The following PRIM1 variants were observed in gnomAD, a reference collection of about 807,000 sequenced individuals.
PRIM1 encodes the protein DNA primase subunit 1.
Under a neutral mutation model 60.2 loss-of-function variants are expected in PRIM1, and 38 were observed. That is an observed-to-expected ratio of 0.63 (90% CI 0.49 to 0.83). The LOEUF is 0.83. Ranked by LOEUF, PRIM1 falls within the 40% of genes least tolerant of loss-of-function variation. PRIM1 has a pLI of 0.00. For synonymous variants in PRIM1, 158 were observed against 160.2 expected (o/e 0.99, Z 0.10); for missense variants, 388 against 506.2 (o/e 0.77, Z 2.24).
chr12:56,743,533 A>G (rs1953886633), intron 6 of PRIM1: 1 of 156,324 alleles, frequency 6.4e-6, no homozygotes, highest in Admixed American at 6.5e-5. Flanking sequence ...TCACTTAATC[A>G]TTGATACAAC....
At position 56,741,755 on chromosome 12, in the gene PRIM1, G is replaced by A; in HGVS notation, c.831C>T (p.Ser277=). The A allele has an allele frequency of 6.2e-7, 1 of 1,613,616 alleles. No individual in the cohort carries two copies. The highest frequency in any genetic ancestry group is 8.5e-7 in the Non-Finnish European group (1 of 1,179,614). ...QRWEHLKKVA[S]RYQNNIKNDK... ...TTTCAGTGGCATATACCTGATATCT[G>A]CTGGCTACTTTCTTCAAGTGCTCCC... Residue 277 remains serine (S), a synonymous_variant, in exon 8 of 13, where the codon AGC becomes AGT. Coordinates refer to ENST00000338193, the MANE Select transcript of PRIM1 (RefSeq NM_000946.3).
In PRIM1 at chr12:56,744,240, C is replaced by T; in HGVS notation, c.580-117G>A. 4 of 716,332 alleles carry T rather than the reference C, an allele frequency of 5.6e-6. No homozygotes were observed. The South Asian group carries it at 7.7e-5, about 14-fold the overall frequency. 44.4% of individuals were successfully genotyped at this position (716,332 alleles called of 1,614,324 possible). ...ATATAAGATGGTGGGCACGGTGGCT[C>T]ACACCTGTAATCCCAGCATTTTGGG... On this transcript the variant is annotated intron_variant, in intron 5 of 12. Transcript: ENST00000338193.
rs181150503 is a variant in PRIM1, at chr12:56,736,400, A to C, written c.1144+2034T>G. Among the ~76,000 whole-genome samples the C allele has an allele frequency of 3.3e-5, 5 of 151,820 alleles. No individual in the cohort carries two copies. In the East Asian group the frequency reaches 9.7e-4, roughly 29 times the overall value. On this transcript the variant is annotated intron_variant, in intron 11 of 12. Coordinates refer to ENST00000338193, the MANE Select transcript of PRIM1 (RefSeq NM_000946.3). The stretch of plus-strand genomic sequence containing the variant: ...ACCCAATGGGAAAATATGATTGAGA[A>C]TAAGAAAGGAGTTTCACATAAAATT...
chr12:56,731,785 A>C, intron 12 of PRIM1, 51 bp from the exon 13 acceptor site: 1 of 1,392,072 alleles, frequency 7.2e-7, no homozygotes, highest in Non-Finnish European at 9.8e-7. Flanking sequence ...AACAAAACAA[A>C]GCCCATTTAC....
chr12:56,739,683 T>G (rs1283141923), intron 9 of PRIM1, among the ~76,000 whole-genome samples: 2 of 152,148 alleles, frequency 1.3e-5, no homozygotes, highest in Non-Finnish European at 2.9e-5. Flanking sequence ...ATTATAGACG[T>G]GAGCTACTGC....
In PRIM1 at chr12:56,741,787, G is replaced by T; in HGVS notation, c.799C>A (p.Gln267Lys). 6.2e-7 allele frequency: 1 copy of T among 1,613,998 alleles called. No individual in the cohort carries two copies. The highest frequency in any genetic ancestry group is 1.1e-5 in the South Asian group (1 of 91,088). Reference protein sequence around the residue: ...QSFQKSHNSLQRWEHLKKVAS... With the variant: ...QSFQKSHNSLKRWEHLKKVAS... Reference sequence around the variant, plus strand: ...ACTTTCTTCAAGTGCTCCCAACGCTGAAGTGAATTGTGAGACTTTTGGAAG... The same window carrying T: ...ACTTTCTTCAAGTGCTCCCAACGCTTAAGTGAATTGTGAGACTTTTGGAAG... Residue 267 changes from glutamine (Q) to lysine (K), a missense_variant, in exon 8 of 13, where the codon CAG (glutamine) becomes AAG (lysine). By Grantham distance (53) the Gln-to-Lys change is moderately conservative. Transcript: ENST00000338193.
Position 56,738,476 on chromosome 12 carries a change from CT to C in PRIM1, c.1101del (p.Glu368ArgfsTer21). 1 of 1,587,880 alleles carries C rather than the reference CT, an allele frequency of 6.3e-7. No homozygotes were observed. Among genetic ancestry groups the C allele is most frequent in the South Asian group, 1.1e-5 (1 of 87,552 alleles). Reference sequence around the variant, plus strand: ...ACATCAGATTCAGCTTCATTCTCCTCTTTTTCCTCTTCATTAGTGGAAATGG... The same window carrying C: ...ACATCAGATTCAGCTTCATTCTCCTCTTTTCCTCTTCATTAGTGGAAATGG... ...LDAISTNEEEKEENEAESDVK... is the reference protein window; with the variant it reads ...LDAISTNEEEXEENEAESDVK... On this transcript the variant is annotated frameshift_variant, in exon 11 of 13. Transcript: ENST00000338193. LOFTEE classifies it high-confidence loss of function.
At chr12:56,734,543 G>T (rs1953809242) in intron 11 of PRIM1, among the ~76,000 whole-genome samples, 1 of 151,172 alleles carries the variant, frequency 6.6e-6, no homozygotes, top group South Asian at 2.1e-4. Context: ...ATAACTACAG[G>T]CATGTACCAC....
At chr12:56,751,381 G>T (rs999452143) in intron 1 of PRIM1, 186 bp from the exon 2 acceptor site, 5 of 413,804 alleles carry the variant, frequency 1.2e-5, no homozygotes, top group Non-Finnish European at 2.1e-5. Flanking sequence ...CCGGGTTCAA[G>T]GGATCCTACC....
At chr12:56,741,309 G>A in intron 9 of PRIM1, 126 bp downstream of exon 9, 1 of 1,052,468 alleles carries the variant, frequency 9.5e-7, no homozygotes, top group Non-Finnish European at 1.3e-6. Context: ...TAGGTATTGG[G>A]TGACAGAGCA....
At chr12:56,733,854 G>A (rs894110868) in intron 12 of PRIM1, among the ~76,000 whole-genome samples, 7 of 152,150 alleles carry the variant, frequency 4.6e-5, no homozygotes, top group Admixed American at 1.3e-4. Flanking sequence ...GTCTCCCAAA[G>A]TGCTGGGATT....
At chr12:56,748,852 G>A (rs181115752) in intron 2 of PRIM1, among the ~76,000 whole-genome samples, 1 of 152,076 alleles carries the variant, frequency 6.6e-6, no homozygotes, top group Non-Finnish European at 1.5e-5. Context: ...AGCTACCCGG[G>A]AAGCTGAGGT....
chr12:56,734,645 G>A (rs977441052), intron 11 of PRIM1, among the ~76,000 whole-genome samples: 1 of 150,788 alleles, frequency 6.6e-6, no homozygotes, highest in African/African-American at 2.4e-5. Context: ...CTGAGCTCGA[G>A]TGATCTCCCA....
chr12:56,743,084 G>A lies in PRIM1; in HGVS notation c.651C>T (p.Asn217=), dbSNP rs1222544725. The A allele has an allele frequency of 2.0e-6, 3 of 1,519,066 alleles. No individual in the cohort carries two copies. Among genetic ancestry groups the A allele is most frequent in the Non-Finnish European group, 2.6e-6 (3 of 1,137,698 alleles). 94.1% of individuals were successfully genotyped at this position (1,519,066 alleles called of 1,614,324 possible). The change falls in exon 7 of 13, where the codon AAC becomes AAT. Residue 217 remains asparagine (N), a synonymous_variant. Transcript: ENST00000338193. ...ATTCTTCAAAGTATTTTTTTATTAT[G>A]TTTATAGATTTTCTGTAAGAACAAC... ...KIHPFIRKSI[N]IIKKYFEEYA...
chr12:56,736,298 T>TAAAAAAAAAAAAAAAAAAAAAA (rs756452647), intron 11 of PRIM1, among the ~76,000 whole-genome samples: 6 of 24,320 alleles, frequency 2.5e-4, no homozygotes, highest in African/African-American at 1.1e-3. Flanking sequence ...ACTCTTTCTC[T>TAAAAAAAAAAAAAAAAAAAAAA]AAAAAAAAAA....
chr12:56,751,972 T>G (rs886476773), intron 1 of PRIM1, among the ~76,000 whole-genome samples: 1 of 147,800 alleles, frequency 6.8e-6, no homozygotes, highest in East Asian at 2.0e-4. Flanking sequence ...CTCTGTTTTT[T>G]TTTTTTTTTT....
chr12:56,741,308 G>T, intron 9 of PRIM1, 127 bp downstream of exon 9: 1 of 1,036,872 alleles, frequency 9.6e-7, no homozygotes, highest in East Asian at 2.7e-5. Flanking sequence ...TTAGGTATTG[G>T]GTGACAGAGC....
In PRIM1 at chr12:56,744,005, C is replaced by G. The variant is rs2137864717; in HGVS notation, c.638+60G>C. ...AGTGAAAATTGATAGCAAGGTAACT[C>G]TAAAGGCACATGCCGGTAAATCAGA... On this transcript the variant is annotated intron_variant, in intron 6 of 12. Coordinates refer to ENST00000338193, the MANE Select transcript of PRIM1 (RefSeq NM_000946.3). 1.3e-5 allele frequency: 16 copies of G among 1,252,552 alleles called. No homozygotes were observed. The South Asian group carries it at 2.1e-4, about 17-fold the overall frequency. The allele number at this position is 1,252,552 out of a possible 1,614,324, so 77.6% of individuals were successfully genotyped here.
At chr12:56,741,297 C>G in intron 9 of PRIM1, 138 bp downstream of exon 9, 1 of 923,654 alleles carries the variant, frequency 1.1e-6, no homozygotes, top group Non-Finnish European at 1.5e-6. Context: ...ACTTAACTGA[C>G]TTAGGTATTG....
Sources: gnomAD v4.1 joint callset for allele counts (sites outside exome capture counted in the v4.1 genomes callset) on GRCh38, gnomAD v4.1.1 for gene constraint, MANE v1.5 for transcripts, NCBI Gene and HGNC (gene_info 2026-07-23, HGNC 2026-07-21) for gene names.